The following PACRG variants were observed in gnomAD, a reference collection of about 807,000 sequenced individuals.
PACRG encodes the protein parkin coregulated gene protein.
A neutral mutation model predicts 29.7 loss-of-function variants in PACRG; 29 were observed. That is an observed-to-expected ratio of 0.98 (90% CI 0.73 to 1.33). The LOEUF is 1.33. Among genes scored for constraint, PACRG ranks in the 40% most tolerant of loss-of-function variants. The pLI, the probability that PACRG is intolerant of heterozygous loss-of-function variation, is 0.00. For missense variants in PACRG, 279 were observed against 316.2 expected, an observed-to-expected ratio of 0.88 and a Z score of 0.89; for synonymous variants, 116 against 118.7, an observed-to-expected ratio of 0.98 and a Z score of 0.15.
intron 3 of PACRG, among the ~76,000 whole-genome samples, chr6:163,074,471 T>C (rs1463220116): frequency 6.6e-6 from 1 of 152,108 alleles, no homozygotes; most frequent in Non-Finnish European, 1.5e-5. Flanking sequence ...TAGTTAGAAA[T>C]AGTACGACCT....
chr6:163,029,904 C>T (rs1337017901), intron 2 of PACRG, among the ~76,000 whole-genome samples: 1 of 152,096 alleles, frequency 6.6e-6, no homozygotes, highest in East Asian at 1.9e-4. Flanking sequence ...TTGGGCATAG[C>T]TTTCAGGCCT....
At chr6:163,138,208 A>G (rs1231044499) in intron 4 of PACRG, among the ~76,000 whole-genome samples, 1 of 152,200 alleles carries the variant, frequency 6.6e-6, no homozygotes, top group Non-Finnish European at 1.5e-5. Flanking sequence ...AGCAATTTAA[A>G]TGTTGTTTTG....
chr6:162,772,202 C>A (rs1783273796), intron 1 of PACRG, among the ~76,000 whole-genome samples: 1 of 152,070 alleles, frequency 6.6e-6, no homozygotes, highest in Admixed American at 6.5e-5. Context: ...GATTTGTTTC[C>A]AGTCCATCAT....
chr6:162,867,064 A>G (rs1792357007), intron 2 of PACRG, among the ~76,000 whole-genome samples: 1 of 152,162 alleles, frequency 6.6e-6, no homozygotes. Flanking sequence ...CACAGCGGGA[A>G]AGACTGGGCA....
intron 4 of PACRG, among the ~76,000 whole-genome samples, chr6:163,256,679 C>T (rs1439159634): frequency 3.9e-5 from 6 of 152,218 alleles, no homozygotes; most frequent in South Asian, 4.1e-4. Context: ...CGAGTGAAGG[C>T]AAGAGTGGTA....
chr6:163,251,351 G>C (rs141176147), intron 4 of PACRG, among the ~76,000 whole-genome samples: 2,249 of 152,290 alleles, frequency 0.015, 36 homozygotes, highest in South Asian at 0.056. Flanking sequence ...GGGAACTTCT[G>C]AAACCTTATC....
intron 1 of PACRG, among the ~76,000 whole-genome samples, chr6:162,735,213 C>CT (rs1370738908): frequency 1.2e-4 from 19 of 152,072 alleles, no homozygotes. Context: ...AATTTTTACA[C>CT]TTTTTTTGGA....
At chr6:162,986,900 C>T (rs1210222122) in intron 2 of PACRG, among the ~76,000 whole-genome samples, 1 of 151,618 alleles carries the variant, frequency 6.6e-6, no homozygotes, top group Non-Finnish European at 1.5e-5. Flanking sequence ...ATCTGTTTCC[C>T]TGGATAATTT....
chr6:162,747,626 A>T (rs1781186288), intron 1 of PACRG, among the ~76,000 whole-genome samples: 1 of 150,836 alleles, frequency 6.6e-6, no homozygotes, highest in African/African-American at 2.4e-5. Flanking sequence ...ACAAACACCA[A>T]GTTTACCCAG....
At chr6:163,126,544 C>T (rs992637115) in intron 4 of PACRG, among the ~76,000 whole-genome samples, 2 of 152,236 alleles carry the variant, frequency 1.3e-5, no homozygotes, top group African/African-American at 4.8e-5. Context: ...CTCTCTGTCT[C>T]TCTGACACCC....
At chr6:163,290,844 A>G (rs1194276461) in intron 4 of PACRG, among the ~76,000 whole-genome samples, 4 of 152,206 alleles carry the variant, frequency 2.6e-5, no homozygotes, top group Non-Finnish European at 5.9e-5. Flanking sequence ...GCATGAGTTC[A>G]GCGTGAGGTC....
intron 2 of PACRG, among the ~76,000 whole-genome samples, chr6:162,927,479 A>G (rs1264743048): frequency 6.6e-6 from 1 of 152,178 alleles, no homozygotes; most frequent in Non-Finnish European, 1.5e-5. Flanking sequence ...GCCATAAAAA[A>G]GAATGAGATT....
At chr6:163,044,845 T>G (rs1472603851) in intron 2 of PACRG, 1 of 152,264 alleles carries the variant, frequency 6.6e-6, no homozygotes, top group East Asian at 1.9e-4. Context: ...ATTTATCCAT[T>G]AAGGTTTTTA....
Position 162,797,289 on chromosome 6 carries a change from AAAC to A in PACRG, c.157-16847_157-16845del, listed in dbSNP as rs199971379. ...TCTCAAAAACCAAACCAAACAAAAAAAACAACAACAACAGAAAAAAACCTATTT... is the reference window on the plus strand; with the variant it reads ...TCTCAAAAACCAAACCAAACAAAAAAAACAACAACAGAAAAAAACCTATTT... On this transcript the variant is annotated intron_variant, in intron 1 of 4. Coordinates refer to ENST00000366888, the MANE Select transcript of PACRG (RefSeq NM_001080379.2). 3.7e-3 allele frequency among the ~76,000 whole-genome samples: 560 copies of A among 152,296 alleles called. 5 individuals are homozygous for A. The highest frequency in any genetic ancestry group is 0.012 in the African/African-American group (511 of 41,560).
rs554202435 is a variant in PACRG at position 163,248,032 on chromosome 6, CTCGT to C, written c.614-66793_614-66790del. 2.3e-3 allele frequency among the ~76,000 whole-genome samples: 346 copies of C among 152,294 alleles called. 1 individual carries two copies. Among genetic ancestry groups the C allele is most frequent in the African/African-American group, 8.1e-3 (337 of 41,544 alleles). ...ACAGACTTCCAGGTAAAGCCAAAGA[CTCGT>C]TTTCCTATGCTGCAAAGCCATCTCC... On this transcript the variant is annotated intron_variant, in intron 4 of 4. Transcript: ENST00000366888.
chr6:162,958,132 A>C (rs1004036439), intron 2 of PACRG, among the ~76,000 whole-genome samples: 15 of 152,306 alleles, frequency 9.8e-5, no homozygotes, highest in South Asian at 2.1e-4. Context: ...ATTACTAAAA[A>C]CAAAGAGCCA....
At chr6:162,869,733 T>C (rs974994951) in intron 2 of PACRG, among the ~76,000 whole-genome samples, 8 of 152,184 alleles carry the variant, frequency 5.3e-5, no homozygotes, top group African/African-American at 1.9e-4. Context: ...TCTTGATAAA[T>C]TCATTATCAA....
At chr6:163,091,852 CTTATT>C (rs1038608492) in intron 4 of PACRG, among the ~76,000 whole-genome samples, 3 of 152,094 alleles carry the variant, frequency 2.0e-5, no homozygotes, top group African/African-American at 7.2e-5. Flanking sequence ...ATTATATATA[CTTATT>C]TTATTTAAGC....
At chr6:162,727,732 C>G, upstream of PACRG, 1 of 1,519,844 alleles carries the variant, frequency 6.6e-7, no homozygotes, top group Non-Finnish European at 8.9e-7. Context: ...GCGCCAGCCG[C>G]GCCTCCCACC....
Sources: gnomAD v4.1 joint callset for allele counts (sites outside exome capture counted in the v4.1 genomes callset) on GRCh38, gnomAD v4.1.1 for gene constraint, MANE v1.5 for transcripts, NCBI Gene and HGNC (gene_info 2026-07-23, HGNC 2026-07-21) for gene names.